The following CLASP1 variants were observed in gnomAD, a reference collection of about 807,000 sequenced individuals.
CLASP1 encodes the protein CLIP-associating protein 1.
Under a neutral mutation model 192.3 loss-of-function variants are expected in CLASP1, and 38 were observed. The observed-to-expected ratio is 0.20, with a 90% CI of 0.15 to 0.26. The LOEUF (loss-of-function observed/expected upper bound fraction) is 0.26, where lower values mean the gene tolerates loss of function less well. Ranked by LOEUF, CLASP1 falls within the 10% of genes least tolerant of loss-of-function variation. CLASP1 has a pLI of 1.00. For missense variants in CLASP1, 1,433 were observed against 1,932.5 expected, an observed-to-expected ratio of 0.74 and a Z score of 4.85; for synonymous variants, 691 against 712.8, an observed-to-expected ratio of 0.97 and a Z score of 0.49.
chr2:121,343,636 T>TCTTTCCCA (rs1444521339), intron 39 of CLASP1, among the ~76,000 whole-genome samples: 1 of 151,950 alleles, frequency 6.6e-6, no homozygotes, highest in Non-Finnish European at 1.5e-5. Flanking sequence ...AGACAGAAAG[T>TCTTTCCCA]AGAAAGGTGG....
At chr2:121,548,982 C>G (rs900666671) in intron 2 of CLASP1, among the ~76,000 whole-genome samples, 5 of 152,108 alleles carry the variant, frequency 3.3e-5, no homozygotes, top group Admixed American at 3.3e-4. Flanking sequence ...AAAACACAAA[C>G]CAGTGTTAAA....
intron 1 of CLASP1, among the ~76,000 whole-genome samples, chr2:121,625,427 A>ATTTTTTTTTTTTT (rs397868546): frequency 3.1e-5 from 3 of 95,750 alleles, no homozygotes; most frequent in Non-Finnish European, 5.8e-5. Flanking sequence ...TCTTTCTTTC[A>ATTTTTTTTTTTTT]TTTTTTTTTT....
chr2:121,365,815 C>T (rs1380255200), intron 35 of CLASP1, among the ~76,000 whole-genome samples: 2 of 152,172 alleles, frequency 1.3e-5, no homozygotes, highest in South Asian at 2.1e-4. Flanking sequence ...AAATACCAGT[C>T]AAGGTGTTTG....
chr2:121,560,788 G>A (rs183764652), intron 2 of CLASP1, among the ~76,000 whole-genome samples: 111 of 152,344 alleles, frequency 7.3e-4, no homozygotes, highest in African/African-American at 2.5e-3. Flanking sequence ...AAGCTAGAGT[G>A]CAGTGGCGCG....
intron 2 of CLASP1, among the ~76,000 whole-genome samples, chr2:121,548,104 A>G (rs536944882): frequency 3.4e-4 from 52 of 152,348 alleles, no homozygotes; most frequent in African/African-American, 1.2e-3. Flanking sequence ...TAGAATATGG[A>G]TAGGAACCAA....
At chr2:121,520,290 C>A (rs2094428652) in intron 6 of CLASP1, among the ~76,000 whole-genome samples, 1 of 152,190 alleles carries the variant, frequency 6.6e-6, no homozygotes, top group Non-Finnish European at 1.5e-5. Context: ...CAAAGGAAGG[C>A]TTCCGCCCTA....
At chr2:121,570,566 G>C (rs987701376) in intron 2 of CLASP1, among the ~76,000 whole-genome samples, 2 of 152,178 alleles carry the variant, frequency 1.3e-5, no homozygotes, top group Admixed American at 1.3e-4. Context: ...CTCTCTCACA[G>C]CAAGCATGTA....
intron 2 of CLASP1, among the ~76,000 whole-genome samples, chr2:121,586,513 A>C (rs2061730562): frequency 6.6e-6 from 1 of 152,216 alleles, no homozygotes; most frequent in African/African-American, 2.4e-5. Context: ...CAAAGTAGTA[A>C]TCCCTATAAT....
intron 30 of CLASP1, among the ~76,000 whole-genome samples, chr2:121,395,892 C>G (rs531792708): frequency 6.6e-6 from 1 of 152,088 alleles, no homozygotes; most frequent in Admixed American, 6.5e-5. Flanking sequence ...AGCAACACTC[C>G]GTAGCAAGAG....
chr2:121,429,315 C>T (rs1364772978), intron 20 of CLASP1, among the ~76,000 whole-genome samples: 1 of 152,126 alleles, frequency 6.6e-6, no homozygotes. Flanking sequence ...GCATGCAGCT[C>T]CTGGGGACAG....
chr2:121,470,538 G>A, intron 8 of CLASP1: 2 of 377,972 alleles, frequency 5.3e-6, no homozygotes, highest in Non-Finnish European at 5.1e-6. Context: ...ATAATTGTAT[G>A]GTACTTTGTA....
intron 8 of CLASP1, among the ~76,000 whole-genome samples, chr2:121,486,124 G>A (rs77770034): frequency 0.037 from 5,637 of 152,258 alleles, 152 homozygotes; most frequent in East Asian, 0.14. Context: ...AGTAATGAAC[G>A]AGACTGGGTG....
chr2:121,464,098 T>C (rs1304259724), intron 9 of CLASP1, among the ~76,000 whole-genome samples: 1 of 151,248 alleles, frequency 6.6e-6, no homozygotes, highest in East Asian at 2.0e-4. Context: ...ATGCGGTGTT[T>C]GGTTTTTTGT....
intron 28 of CLASP1, among the ~76,000 whole-genome samples, chr2:121,400,213 ATTTAT>A (rs1170527003): frequency 6.6e-6 from 1 of 152,142 alleles, no homozygotes; most frequent in African/African-American, 2.4e-5. Context: ...TTATTTATTT[ATTTAT>A]TTAATATTCT....
rs199692805 is a variant in CLASP1 at position 121,526,563 on chromosome 2, CT to C, written c.471-644del. The stretch of plus-strand genomic sequence containing the variant: ...ACTGTGATCAAAGGCTAGAAGTTTT[CT>C]TTTTTTTTTCTTAAGCTTCAGTTAC... On this transcript the variant is annotated intron_variant, in intron 5 of 39. Transcript: ENST00000263710. Among the ~76,000 whole-genome samples, 370 of 149,614 alleles carry C rather than the reference CT, an allele frequency of 2.5e-3. 4 individuals carry two copies. In the East Asian group the frequency reaches 0.025, roughly 10 times the overall value.
chr2:121,547,778 C>T (rs564679200), intron 2 of CLASP1, among the ~76,000 whole-genome samples: 24 of 152,192 alleles, frequency 1.6e-4, no homozygotes, highest in African/African-American at 5.5e-4. Context: ...AGTATGCCTA[C>T]GTGCCACATA....
At chr2:121,486,036 C>A (rs1337258942) in intron 8 of CLASP1, among the ~76,000 whole-genome samples, 1 of 152,194 alleles carries the variant, frequency 6.6e-6, no homozygotes, top group Admixed American at 6.5e-5. Context: ...AAGTGAAGTG[C>A]ATTCTAAGTG....
chr2:121,358,764 T>C (rs900094973), intron 37 of CLASP1, among the ~76,000 whole-genome samples: 2 of 152,244 alleles, frequency 1.3e-5, no homozygotes, highest in African/African-American at 2.4e-5. Flanking sequence ...ATACTACTGG[T>C]GGTTTTATAT....
At chr2:121,618,109 C>T (rs1449634896) in intron 1 of CLASP1, among the ~76,000 whole-genome samples, 2 of 152,224 alleles carry the variant, frequency 1.3e-5, no homozygotes, top group Non-Finnish European at 2.9e-5. Context: ...TACTTTCAAG[C>T]ACTTAAGGTG....
Sources: allele counts gnomAD v4.1 joint callset (sites outside exome capture counted in the v4.1 genomes callset), GRCh38; gene constraint gnomAD v4.1.1; transcripts MANE v1.5; gene names NCBI Gene and HGNC (gene_info 2026-07-23, HGNC 2026-07-21).